The following MACROD2 variants were observed in gnomAD, a reference collection of about 807,000 sequenced individuals.
MACROD2 encodes the protein ADP-ribose glycohydrolase MACROD2.
A neutral mutation model predicts 70.4 loss-of-function variants in MACROD2; 36 were observed. That is an observed-to-expected ratio of 0.51 (90% CI 0.39 to 0.68). The LOEUF (loss-of-function observed/expected upper bound fraction) is 0.68. Among genes scored for constraint, MACROD2 ranks in the 30% least tolerant of loss-of-function variants. The probability of loss-of-function intolerance (pLI) is 0.00; values close to 1 mark genes in which losing one functional copy is unlikely to be tolerated. For missense variants in MACROD2, 496 were observed against 538.4 expected (o/e 0.92, Z 0.78); for synonymous variants, 172 against 178.8 (o/e 0.96, Z 0.30).
rs569588572 is a variant in MACROD2 at position 15,580,870 on chromosome 20, T to A, written c.645+81023T>A. On this transcript the variant is annotated intron_variant, in intron 8 of 17. Transcript: ENST00000684519. ...GTAAATGATTTTTAGGGGAATTCAGTGAACTTGAAGAATACACAATGGCAT... is the reference window on the plus strand; with the variant it reads ...GTAAATGATTTTTAGGGGAATTCAGAGAACTTGAAGAATACACAATGGCAT... Among the ~76,000 whole-genome samples the A allele has an allele frequency of 1.1e-4, 17 of 152,184 alleles. No individual in the cohort carries two copies. The South Asian group carries it at 3.5e-3, about 32-fold the overall frequency.
At chr20:14,682,390 A>G (rs865985068) in intron 4 of MACROD2, among the ~76,000 whole-genome samples, 11 of 151,700 alleles carry the variant, frequency 7.3e-5, no homozygotes, top group South Asian at 4.2e-4. Context: ...ACTGCTGCAT[A>G]TATTTTCAGT....
chr20:15,009,040 G>A (rs1222584369), intron 5 of MACROD2, among the ~76,000 whole-genome samples: 1 of 152,044 alleles, frequency 6.6e-6, no homozygotes, highest in Non-Finnish European at 1.5e-5. Flanking sequence ...CAGCATGGTG[G>A]ACTTTGATTA....
chr20:14,717,090 C>G (rs760388404), intron 5 of MACROD2, among the ~76,000 whole-genome samples: 2 of 151,956 alleles, frequency 1.3e-5, no homozygotes, highest in Non-Finnish European at 2.9e-5. Context: ...GATTTTGTGT[C>G]GACTAAAAAT....
At chr20:14,731,723 A>G (rs1046519555) in intron 5 of MACROD2, among the ~76,000 whole-genome samples, 1 of 152,080 alleles carries the variant, frequency 6.6e-6, no homozygotes, top group Non-Finnish European at 1.5e-5. Context: ...CTAATGAGTG[A>G]TATGTGCCTT....
chr20:14,092,580 C>T (rs1189730018), intron 3 of MACROD2, among the ~76,000 whole-genome samples: 1 of 152,224 alleles, frequency 6.6e-6, no homozygotes, highest in South Asian at 2.1e-4. Context: ...TTTCTAGGCT[C>T]TTGAAAAGCT....
intron 4 of MACROD2, among the ~76,000 whole-genome samples, chr20:14,551,514 T>C (rs534025353): frequency 2.0e-4 from 31 of 152,324 alleles, no homozygotes; most frequent in Middle Eastern, 3.4e-3. Flanking sequence ...GCACATTATA[T>C]TGACAATATA....
intron 5 of MACROD2, among the ~76,000 whole-genome samples, chr20:14,738,790 A>C (rs184944567): frequency 1.3e-5 from 2 of 152,110 alleles, no homozygotes; most frequent in East Asian, 3.9e-4. Flanking sequence ...ATTAAAAGAG[A>C]AATAATGACA....
chr20:14,018,156 A>ATT (rs1601118584), intron 2 of MACROD2, among the ~76,000 whole-genome samples: 1 of 152,172 alleles, frequency 6.6e-6, no homozygotes, highest in East Asian at 1.9e-4. Context: ...GATCATAGTA[A>ATT]TTTGTGTACT....
In MACROD2 at chr20:14,616,327, T is replaced by C. The variant is rs144019679; in HGVS notation, c.302-68516T>C. On this transcript the variant is annotated intron_variant, in intron 4 of 17. Transcript: ENST00000684519. ...AGCCATCCCTTCCAGGCCTTTAGAG[T>C]ACTCATCCACCTTCTATCTTCCTTC... Among the ~76,000 whole-genome samples, 44 of 152,208 alleles carry C rather than the reference T, an allele frequency of 2.9e-4. 1 individual carries two copies. The East Asian group carries it at 7.2e-3, about 25-fold the overall frequency.
chr20:14,960,825 CTTCTT>C (rs2074576901), intron 5 of MACROD2, among the ~76,000 whole-genome samples: 1 of 151,998 alleles, frequency 6.6e-6, no homozygotes, highest in Non-Finnish European at 1.5e-5. Context: ...TTTTTAGTGA[CTTCTT>C]TTTCATCAAT....
chr20:14,913,566 A>G (rs1022673823), intron 5 of MACROD2, among the ~76,000 whole-genome samples: 2 of 152,124 alleles, frequency 1.3e-5, no homozygotes, highest in African/African-American at 4.8e-5. Context: ...ACATGCCTGT[A>G]GTCCCAGCAA....
At chr20:15,067,360 T>C (rs1337681980) in intron 5 of MACROD2, among the ~76,000 whole-genome samples, 1 of 152,184 alleles carries the variant, frequency 6.6e-6, no homozygotes, top group African/African-American at 2.4e-5. Context: ...GTTTGTTTGT[T>C]TGTTTTTGAG....
intron 15 of MACROD2, among the ~76,000 whole-genome samples, chr20:16,003,135 C>A (rs2066738318): frequency 6.8e-6 from 1 of 147,824 alleles, no homozygotes; most frequent in Non-Finnish European, 1.5e-5. Context: ...CAATCTCTAC[C>A]CTCAAGGGGA....
intron 5 of MACROD2, among the ~76,000 whole-genome samples, chr20:15,094,821 G>A (rs1266690504): frequency 6.6e-6 from 1 of 152,122 alleles, no homozygotes; most frequent in Admixed American, 6.5e-5. Context: ...ATGTCCCTGT[G>A]TGTAAGGTTA....
At chr20:15,817,339 C>T (rs1454345811) in intron 8 of MACROD2, among the ~76,000 whole-genome samples, 5 of 152,198 alleles carry the variant, frequency 3.3e-5, no homozygotes, top group Non-Finnish European at 7.4e-5. Context: ...TCTGATACAG[C>T]ACTGTTGTTA....
At chr20:15,222,586 T>C (rs1373486805) in intron 5 of MACROD2, among the ~76,000 whole-genome samples, 1 of 152,230 alleles carries the variant, frequency 6.6e-6, no homozygotes, top group African/African-American at 2.4e-5. Context: ...TTAAAATTCA[T>C]GCAATTTGAT....
intron 7 of MACROD2, among the ~76,000 whole-genome samples, chr20:15,477,566 A>G (rs1253346844): frequency 6.6e-6 from 1 of 152,062 alleles, no homozygotes; most frequent in Non-Finnish European, 1.5e-5. Flanking sequence ...TTGGACAGGG[A>G]GAAAGGAGGG....
At chr20:15,961,050 G>T (rs946291599) in intron 12 of MACROD2, among the ~76,000 whole-genome samples, 14 of 152,156 alleles carry the variant, frequency 9.2e-5, no homozygotes, top group Non-Finnish European at 1.8e-4. Flanking sequence ...GATTTAATTA[G>T]AATGTCCAGA....
At chr20:15,054,334 C>A (rs919345584) in intron 5 of MACROD2, among the ~76,000 whole-genome samples, 1 of 152,082 alleles carries the variant, frequency 6.6e-6, no homozygotes, top group Non-Finnish European at 1.5e-5. Flanking sequence ...TGGCTAACTT[C>A]TTTGTTGTCC....
Sources: gnomAD v4.1 joint callset for allele counts (sites outside exome capture counted in the v4.1 genomes callset) on GRCh38, gnomAD v4.1.1 for gene constraint, MANE v1.5 for transcripts, NCBI Gene and HGNC (gene_info 2026-07-23, HGNC 2026-07-21) for gene names.